The following UBE2E2 variants were observed in gnomAD, a reference collection of about 807,000 sequenced individuals.
UBE2E2 encodes ubiquitin conjugating enzyme E2 E2.
UBE2E2 carries 6 observed loss-of-function variants against 24.7 expected under a neutral mutation model. That is an observed-to-expected ratio of 0.24 (90% confidence interval 0.13 to 0.48). The LOEUF (loss-of-function observed/expected upper bound fraction) is 0.48, where lower values mean the gene tolerates loss of function less well. Among genes scored for constraint, UBE2E2 ranks in the 20% least tolerant of loss-of-function variants. The probability of loss-of-function intolerance (pLI) is 0.99; values close to 1 mark genes in which losing one functional copy is unlikely to be tolerated. For synonymous variants in UBE2E2, 104 were observed against 83.6 expected, an observed-to-expected ratio of 1.24 and a Z score of -1.33; for missense variants, 169 against 245.0, an observed-to-expected ratio of 0.69 and a Z score of 2.07.
intron 5 of UBE2E2, among the ~76,000 whole-genome samples, chr3:23,588,984 G>A (rs912835134): frequency 6.6e-6 from 1 of 152,100 alleles, no homozygotes; most frequent in African/African-American, 2.4e-5. Context: ...CCTCAGATAA[G>A]GTAATCTGGC....
At chr3:23,358,369 C>G (rs1283117599) in intron 3 of UBE2E2, among the ~76,000 whole-genome samples, 2 of 152,230 alleles carry the variant, frequency 1.3e-5, no homozygotes, top group Non-Finnish European at 2.9e-5. Context: ...GGTGATGGTT[C>G]ACAATGATGC....
chr3:23,549,197 T>C (rs1392958096), intron 5 of UBE2E2, among the ~76,000 whole-genome samples: 1 of 152,244 alleles, frequency 6.6e-6, no homozygotes, highest in Non-Finnish European at 1.5e-5. Flanking sequence ...TCTTTCTTTG[T>C]CCTTTGTAAT....
At chr3:23,329,762 C>T (rs1450764602) in intron 3 of UBE2E2, among the ~76,000 whole-genome samples, 1 of 152,166 alleles carries the variant, frequency 6.6e-6, no homozygotes, top group African/African-American at 2.4e-5. Context: ...GAGAACGTTG[C>T]CGTACATGGG....
intron 3 of UBE2E2, among the ~76,000 whole-genome samples, chr3:23,353,144 A>G (rs1049577423): frequency 1.3e-5 from 2 of 152,254 alleles, no homozygotes; most frequent in African/African-American, 4.8e-5. Context: ...CACCATGATT[A>G]TCTCAATATA....
intron 3 of UBE2E2, among the ~76,000 whole-genome samples, chr3:23,240,812 CT>C (rs917061061): frequency 2.0e-5 from 3 of 152,098 alleles, no homozygotes; most frequent in Non-Finnish European, 4.4e-5. Context: ...TATGCAGTAA[CT>C]TTTTTTCTTT....
At chr3:23,294,996 T>C (rs1332620389) in intron 3 of UBE2E2, among the ~76,000 whole-genome samples, 3 of 152,148 alleles carry the variant, frequency 2.0e-5, no homozygotes, top group African/African-American at 7.2e-5. Flanking sequence ...TCTCTCTACT[T>C]CCTCTTGTCT....
At chr3:23,281,937 A>G (rs1464851142) in intron 3 of UBE2E2, among the ~76,000 whole-genome samples, 1 of 152,230 alleles carries the variant, frequency 6.6e-6, no homozygotes, top group Non-Finnish European at 1.5e-5. Flanking sequence ...TCTTTGTGCC[A>G]CAAAGAGTTT....
intron 3 of UBE2E2, among the ~76,000 whole-genome samples, chr3:23,345,753 C>G (rs911303799): frequency 6.6e-6 from 1 of 152,090 alleles, no homozygotes; most frequent in Admixed American, 6.5e-5. Context: ...ATTGCCTTTA[C>G]AAAATATTCT....
chr3:23,208,536 T>G (rs1057296797), intron 1 of UBE2E2, among the ~76,000 whole-genome samples, 156 bp from the exon 2 acceptor site: 51 of 152,210 alleles, frequency 3.4e-4, no homozygotes, highest in African/African-American at 1.1e-3. Flanking sequence ...AAGGAAAAGT[T>G]TTAGCAACTC....
chr3:23,249,763 C>G (rs1400004324), intron 3 of UBE2E2, among the ~76,000 whole-genome samples: 1 of 151,898 alleles, frequency 6.6e-6, no homozygotes, highest in Admixed American at 6.6e-5. Context: ...TCATGCCATT[C>G]TCCTGCCTCA....
intron 3 of UBE2E2, among the ~76,000 whole-genome samples, chr3:23,265,763 G>A (rs779049604): frequency 7.9e-5 from 12 of 152,072 alleles, no homozygotes; most frequent in Non-Finnish European, 1.6e-4. Flanking sequence ...GTCTCCCATT[G>A]TTATTGTGTG....
At chr3:23,211,407 C>CTT (rs3086984) in intron 2 of UBE2E2, among the ~76,000 whole-genome samples, 8,136 of 131,772 alleles carry the variant, frequency 0.062, 451 homozygotes, top group Non-Finnish European at 0.093. Flanking sequence ...GCTCTGTGGT[C>CTT]TTTTTTTTTT....
At position 23,290,051 on chromosome 3, in the gene UBE2E2, T is replaced by A. The variant is rs539547007; in HGVS notation, c.227+72739T>A. ...TGAGTTAACACAAGGGTGAATATAT[T>A]TTAAGCCAGTTTATATTTTAAACCA... On this transcript the variant is annotated intron_variant, in intron 3 of 5. Transcript: ENST00000396703. Among the ~76,000 whole-genome samples the A allele has an allele frequency of 3.3e-5, 5 of 152,366 alleles. No homozygotes were observed. In the South Asian group the frequency reaches 8.3e-4, roughly 25 times the overall value.
At chr3:23,270,707 C>A (rs993872279) in intron 3 of UBE2E2, among the ~76,000 whole-genome samples, 2 of 152,224 alleles carry the variant, frequency 1.3e-5, no homozygotes, top group African/African-American at 4.8e-5. Flanking sequence ...TTATTACTGG[C>A]ATCTGATATT....
intron 3 of UBE2E2, among the ~76,000 whole-genome samples, chr3:23,372,091 C>T (rs1696412952): frequency 6.6e-6 from 1 of 152,040 alleles, no homozygotes; most frequent in South Asian, 2.1e-4. Context: ...GCACTCCAGC[C>T]TGGGTTACGA....
intron 3 of UBE2E2, among the ~76,000 whole-genome samples, chr3:23,486,449 C>T (rs1333965387): frequency 6.6e-6 from 1 of 152,154 alleles, no homozygotes; most frequent in Admixed American, 6.5e-5. Context: ...TCTTCTTTCT[C>T]TTTGCCCACA....
At chr3:23,310,644 G>T (rs996120309) in intron 3 of UBE2E2, among the ~76,000 whole-genome samples, 4 of 152,134 alleles carry the variant, frequency 2.6e-5, no homozygotes, top group Non-Finnish European at 5.9e-5. Context: ...AAGGACTTGG[G>T]AGACTGAGGC....
At chr3:23,580,715 C>A (rs1283649093) in intron 5 of UBE2E2, among the ~76,000 whole-genome samples, 1 of 152,172 alleles carries the variant, frequency 6.6e-6, no homozygotes, top group African/African-American at 2.4e-5. Context: ...AAGACATCCT[C>A]AGGGAGGCTA....
intron 5 of UBE2E2, among the ~76,000 whole-genome samples, chr3:23,544,682 T>C (rs550267745): frequency 6.6e-6 from 1 of 152,308 alleles, no homozygotes; most frequent in African/African-American, 2.4e-5. Flanking sequence ...GGGTTGCCCC[T>C]CCACACCTGT....
Sources: allele counts gnomAD v4.1 joint callset (sites outside exome capture counted in the v4.1 genomes callset), GRCh38; gene constraint gnomAD v4.1.1; transcripts MANE v1.5; gene names NCBI Gene and HGNC (gene_info 2026-07-23, HGNC 2026-07-21).